CDH8: variants seen among roughly 807,000 people sequenced by gnomAD.
The protein encoded by CDH8 is cadherin-8.
Under a neutral mutation model 68.1 loss-of-function variants are expected in CDH8, and 17 were observed. That is an observed-to-expected ratio of 0.25 (90% CI 0.17 to 0.37). The LOEUF is 0.37. Among genes scored for constraint, CDH8 ranks in the 10% least tolerant of loss-of-function variants. The probability of loss-of-function intolerance (pLI) is 1.00; values close to 1 mark genes in which losing one functional copy is unlikely to be tolerated. For missense variants in CDH8, 763 were observed against 999.3 expected (o/e 0.76, Z 3.19); for synonymous variants, 372 against 365.1 (o/e 1.02, Z -0.21).
chr16:62,001,144 G>A (rs532930792), intron 2 of CDH8, among the ~76,000 whole-genome samples: 32 of 152,118 alleles, frequency 2.1e-4, no homozygotes, highest in Non-Finnish European at 4.1e-4. Context: ...ATTCAGAAAC[G>A]TGATTCTGAT....
intron 2 of CDH8, among the ~76,000 whole-genome samples, chr16:61,920,148 C>A (rs1821392038): frequency 6.9e-6 from 1 of 143,898 alleles, no homozygotes; most frequent in Admixed American, 7.0e-5. Flanking sequence ...ACCATAAAAA[C>A]CCTAGAAGAA....
At chr16:61,787,398 C>T (rs1961251997) in intron 8 of CDH8, among the ~76,000 whole-genome samples, 1 of 142,124 alleles carries the variant, frequency 7.0e-6, no homozygotes. Context: ...GAGATACCAT[C>T]TCATACCAGT....
Position 61,959,974 on chromosome 16 carries a change from G to GCA in CDH8, c.253-58502_253-58501insTG, listed in dbSNP as rs1567545381. Among the ~76,000 whole-genome samples the GCA allele has an allele frequency of 1.6e-3, 69 of 43,300 alleles. 2 individuals carry two copies. Among genetic ancestry groups the GCA allele is most frequent in the African/African-American group, 6.9e-3 (62 of 9,042 alleles). The allele number at this position is 43,300 out of a possible 152,430, so 28.4% of individuals were successfully genotyped here. A position where few individuals can be genotyped will look rare whatever the true frequency, so the allele number is the denominator to read the frequency against. The stretch of plus-strand genomic sequence containing the variant: ...ATCTTTCTCTGTATGTGGTGTATGT[G>GCA]TGTGTGTGTGTATATATATATATAT... On this transcript the variant is annotated intron_variant, in intron 2 of 11. Transcript: ENST00000577390.
intron 1 of CDH8, among the ~76,000 whole-genome samples, chr16:62,028,240 G>A (rs2150619656): frequency 6.6e-6 from 1 of 151,326 alleles, no homozygotes; most frequent in South Asian, 2.1e-4. Flanking sequence ...AATTTTTTTT[G>A]TATTTTTAGT....
At chr16:61,913,991 G>A (rs759043860) in intron 2 of CDH8, among the ~76,000 whole-genome samples, 1 of 152,036 alleles carries the variant, frequency 6.6e-6, no homozygotes, top group Non-Finnish European at 1.5e-5. Context: ...AAACAAAAAT[G>A]ATTATGTTGA....
intron 3 of CDH8, among the ~76,000 whole-genome samples, chr16:61,894,447 G>A (rs950832930): frequency 1.3e-5 from 2 of 152,118 alleles, no homozygotes; most frequent in Non-Finnish European, 2.9e-5. Flanking sequence ...TATCAATGGT[G>A]TGTCAAGATT....
chr16:61,797,639 T>G (rs1406465877), intron 7 of CDH8, among the ~76,000 whole-genome samples: 1 of 152,162 alleles, frequency 6.6e-6, no homozygotes, highest in Non-Finnish European at 1.5e-5. Context: ...AAGATTTCCT[T>G]GTACTTTAAA....
intron 7 of CDH8, among the ~76,000 whole-genome samples, chr16:61,817,164 T>C (rs1962093802): frequency 6.6e-6 from 1 of 151,964 alleles, no homozygotes; most frequent in African/African-American, 2.4e-5. Context: ...AACATAAAAA[T>C]AACAAGATCC....
intron 10 of CDH8, among the ~76,000 whole-genome samples, chr16:61,699,944 T>C (rs549955914): frequency 6.6e-6 from 1 of 152,348 alleles, no homozygotes; most frequent in South Asian, 2.1e-4. Context: ...GCCAATGTGC[T>C]TTATTAATGG....
intron 10 of CDH8, among the ~76,000 whole-genome samples, chr16:61,701,962 A>G (rs1355846469): frequency 6.6e-6 from 1 of 152,214 alleles, no homozygotes; most frequent in Non-Finnish European, 1.5e-5. Flanking sequence ...TGTCTTCTAT[A>G]ACAATTTCTA....
At position 61,981,783 on chromosome 16, in the gene CDH8, G is replaced by A. The variant is rs546862336; in HGVS notation, c.252+39369C>T. ...TTTCTCTGCATCCAGGAAATGGACAGTAATATAATAAAGAATCTCAGATTA... is the reference window on the plus strand; with the variant it reads ...TTTCTCTGCATCCAGGAAATGGACAATAATATAATAAAGAATCTCAGATTA... On this transcript the variant is annotated intron_variant, in intron 2 of 11. Coordinates refer to ENST00000577390, the MANE Select transcript of CDH8 (RefSeq NM_001796.5). Among the ~76,000 whole-genome samples, 8 of 152,234 alleles carry A rather than the reference G, an allele frequency of 5.3e-5. 1 individual carries two copies. Among genetic ancestry groups the A allele is most frequent in the Admixed American group, 3.9e-4 (6 of 15,300 alleles).
At chr16:62,032,556 G>A (rs76020306) in intron 1 of CDH8, among the ~76,000 whole-genome samples, 1,954 of 152,244 alleles carry the variant, frequency 0.013, 41 homozygotes, top group African/African-American at 0.045. Context: ...GAATAACTTT[G>A]TAACAAATAT....
At position 61,649,472 on chromosome 16, in the gene CDH8, T is replaced by A; in HGVS notation, c.*4136A>T. The A allele has an allele frequency of 6.6e-6, 1 of 151,564 alleles. No individual in the cohort carries two copies. The highest frequency in any genetic ancestry group is 1.5e-5 in the Non-Finnish European group (1 of 67,882). The allele number at this position is 151,564 out of a possible 1,614,324, so 9.4% of individuals were successfully genotyped here. ...TGTATAAGGATATATATATTCTTTT[T>A]AATGTTGATATTCATGTTTAAGTTG... On this transcript the variant is annotated 3_prime_UTR_variant, in exon 12 of 12. Transcript: ENST00000577390.
chr16:61,862,497 G>C (rs1356376887), intron 3 of CDH8, among the ~76,000 whole-genome samples: 4 of 152,040 alleles, frequency 2.6e-5, no homozygotes, highest in Non-Finnish European at 5.9e-5. Context: ...CTGATGTCTG[G>C]CTTCCTGGAA....
intron 2 of CDH8, among the ~76,000 whole-genome samples, chr16:61,903,460 A>G (rs953285818): frequency 3.9e-5 from 6 of 152,162 alleles, no homozygotes; most frequent in Non-Finnish European, 8.8e-5. Context: ...AGTAGCTGGG[A>G]TTACAGGCGC....
intron 4 of CDH8, among the ~76,000 whole-genome samples, chr16:61,837,995 T>C (rs924369430): frequency 2.0e-5 from 3 of 152,088 alleles, no homozygotes; most frequent in South Asian, 4.1e-4. Context: ...CTCTAGTTAA[T>C]AGAGAGTTAC....
intron 2 of CDH8, among the ~76,000 whole-genome samples, chr16:61,985,116 T>G (rs1010185956): frequency 6.7e-6 from 1 of 149,258 alleles, no homozygotes; most frequent in Non-Finnish European, 1.5e-5. Flanking sequence ...GAATGTCGGT[T>G]TTTTTTTTTC....
intron 3 of CDH8, among the ~76,000 whole-genome samples, chr16:61,890,350 T>A (rs1963751998): frequency 6.8e-6 from 1 of 147,200 alleles, no homozygotes; most frequent in African/African-American, 2.6e-5. Context: ...GGTTAATGGG[T>A]ATATAGCTAA....
intron 8 of CDH8, among the ~76,000 whole-genome samples, chr16:61,777,922 G>C (rs1960941846): frequency 6.6e-6 from 1 of 151,978 alleles, no homozygotes; most frequent in African/African-American, 2.4e-5. Flanking sequence ...CCATATTTTA[G>C]TTTTCACTTT....
Sources: allele counts gnomAD v4.1 joint callset (sites outside exome capture counted in the v4.1 genomes callset), GRCh38; gene constraint gnomAD v4.1.1; transcripts MANE v1.5; gene names NCBI Gene and HGNC (gene_info 2026-07-23, HGNC 2026-07-21).